The following IFT43 variants were observed in gnomAD, a reference collection of about 807,000 sequenced individuals.
IFT43 encodes intraflagellar transport protein 43 homolog.
A neutral mutation model predicts 32.3 loss-of-function variants in IFT43; 33 were observed. That is an observed-to-expected ratio of 1.02 (90% CI 0.77 to 1.37). The LOEUF is 1.37. Among genes scored for constraint, IFT43 ranks in the 40% most tolerant of loss-of-function variants. The pLI is 0.00. For synonymous variants in IFT43, 93 were observed against 98.2 expected, an observed-to-expected ratio of 0.95 and a Z score of 0.31; for missense variants, 274 against 265.9, an observed-to-expected ratio of 1.03 and a Z score of -0.21.
At chr14:76,055,506 A>C in intron 3 of IFT43, among the ~76,000 whole-genome samples, 1 of 152,098 alleles carries the variant, frequency 6.6e-6, no homozygotes, top group East Asian at 1.9e-4. Flanking sequence ...TGAAAGAAAA[A>C]TTTTAAAAGG....
intron 5 of IFT43, chr14:76,076,485 T>C (rs2037414441): frequency 6.6e-7 from 1 of 1,517,568 alleles, no homozygotes. Context: ...GGTGTCTCCT[T>C]TGTTCTCTCC....
intron 1 of IFT43, chr14:75,986,208 C>G: frequency 7.6e-7 from 1 of 1,307,902 alleles, no homozygotes; most frequent in Non-Finnish European, 1.0e-6. Flanking sequence ...CGCTCCCATC[C>G]TAGAGTTTTT....
chr14:76,009,704 A>T (rs924850577), intron 2 of IFT43, among the ~76,000 whole-genome samples: 1 of 152,190 alleles, frequency 6.6e-6, no homozygotes, highest in Non-Finnish European at 1.5e-5. Flanking sequence ...GGAGGAATCA[A>T]TTCTAGCATG....
At chr14:76,030,471 C>T (rs367668552) in intron 3 of IFT43, among the ~76,000 whole-genome samples, 6 of 152,146 alleles carry the variant, frequency 3.9e-5, no homozygotes, top group Non-Finnish European at 7.3e-5. Context: ...ATAGAATTCA[C>T]GGTCTATATA....
chr14:76,074,070 A>G (rs1043874409), intron 5 of IFT43, among the ~76,000 whole-genome samples: 2 of 152,126 alleles, frequency 1.3e-5, no homozygotes, highest in African/African-American at 4.8e-5. Flanking sequence ...ATAAATATAT[A>G]TAAGGAAAAA....
chr14:76,080,936 T>C (rs1186245709), intron 5 of IFT43, among the ~76,000 whole-genome samples: 1 of 152,220 alleles, frequency 6.6e-6, no homozygotes, highest in African/African-American at 2.4e-5. Flanking sequence ...GTGTCTCTGC[T>C]TTATTTTCCC....
In IFT43 at chr14:75,998,988, G is replaced by T. The variant is rs117496460; in HGVS notation, c.147+10011G>T. On this transcript the variant is annotated intron_variant, in intron 2 of 8. Transcript: ENST00000314067. ...GGCTTCAGGCAGTCCTCCCACCTTGGCCTCCCAAAGCTCTAGGATTATAGG... is the reference window on the plus strand; with the variant it reads ...GGCTTCAGGCAGTCCTCCCACCTTGTCCTCCCAAAGCTCTAGGATTATAGG... Among the ~76,000 whole-genome samples the T allele has an allele frequency of 8.2e-4, 125 of 151,892 alleles. 1 individual carries two copies. In the East Asian group the frequency reaches 0.022, roughly 27 times the overall value.
chr14:76,083,206 T>A, intron 7 of IFT43, 21 bp from the exon 8 acceptor site: 3 of 1,612,800 alleles, frequency 1.9e-6, no homozygotes, highest in Non-Finnish European at 2.5e-6. Flanking sequence ...CAGCCTGACC[T>A]TTTTTTGTTT....
chr14:76,059,821 A>G (rs914597761), intron 5 of IFT43, among the ~76,000 whole-genome samples: 2 of 152,138 alleles, frequency 1.3e-5, no homozygotes, highest in African/African-American at 2.4e-5. Context: ...TATTATCCCC[A>G]TTTTACAGTT....
At chr14:75,989,107 A>G in intron 2 of IFT43, 130 bp downstream of exon 2, 1 of 1,187,490 alleles carries the variant, frequency 8.4e-7, no homozygotes, top group Non-Finnish European at 1.2e-6. Context: ...TTGATTTGGG[A>G]ATTCCCTTCC....
Position 76,010,782 on chromosome 14 carries a change from T to C in IFT43, c.148-11545T>C, listed in dbSNP as rs985772900. 2.6e-5 allele frequency among the ~76,000 whole-genome samples: 4 copies of C among 152,180 alleles called. No homozygotes were observed. The East Asian group carries it at 5.8e-4, about 22-fold the overall frequency. On this transcript the variant is annotated intron_variant, in intron 2 of 8. Coordinates refer to ENST00000314067, the MANE Select transcript of IFT43 (RefSeq NM_001102564.3). ...ACTCCAAATTTATTTTCCACTGTTG[T>C]CTTCAAAGTATTTTTATAGCGCTTT...
intron 2 of IFT43, among the ~76,000 whole-genome samples, chr14:76,000,465 G>A (rs1180853383): frequency 6.6e-6 from 1 of 151,532 alleles, no homozygotes; most frequent in Non-Finnish European, 1.5e-5. Flanking sequence ...GTAGAGACGG[G>A]GTTTCACCGT....
In IFT43 at chr14:76,056,475, G is replaced by A. The variant is rs79614081; in HGVS notation, c.216-2167G>A. ...AAATGGCAATTAATCAGCCTCCCCC[G>A]AAAGATTAGCATTATCATTATTGTT... is the stretch of plus-strand genomic sequence containing the variant. On this transcript the variant is annotated intron_variant, in intron 3 of 8. Coordinates refer to ENST00000314067, the MANE Select transcript of IFT43 (RefSeq NM_001102564.3). Among the ~76,000 whole-genome samples, 209 of 152,306 alleles carry A rather than the reference G, an allele frequency of 1.4e-3. 1 individual carries two copies. The highest frequency in any genetic ancestry group is 4.5e-3 in the African/African-American group (189 of 41,560).
chr14:76,036,724 GTC>G (rs2036606980), intron 3 of IFT43, among the ~76,000 whole-genome samples: 1 of 151,968 alleles, frequency 6.6e-6, no homozygotes, highest in East Asian at 2.0e-4. Flanking sequence ...TATTTCTATA[GTC>G]TCTATTTTAT....
intron 2 of IFT43, among the ~76,000 whole-genome samples, chr14:76,004,144 C>T (rs2035940005): frequency 6.6e-6 from 1 of 152,180 alleles, no homozygotes; most frequent in Non-Finnish European, 1.5e-5. Flanking sequence ...TTCTTCATTT[C>T]TTCCAATAGA....
chr14:76,051,996 C>T (rs11851042), intron 3 of IFT43, among the ~76,000 whole-genome samples: 1,663 of 152,288 alleles, frequency 0.011, 32 homozygotes, highest in African/African-American at 0.037. Context: ...GGGATGGACT[C>T]GCATAGGGCC....
In IFT43 at chr14:76,042,469, A is replaced by G. The variant is rs371811385; in HGVS notation, c.216-16173A>G. Among the ~76,000 whole-genome samples, 176 of 152,260 alleles carry G rather than the reference A, an allele frequency of 1.2e-3. 4 individuals carry two copies. The South Asian group carries it at 0.034, about 30-fold the overall frequency. On this transcript the variant is annotated intron_variant, in intron 3 of 8. Transcript: ENST00000314067. The stretch of plus-strand genomic sequence containing the variant: ...GATATTCCCTGAGGGCTCTTTTGAC[A>G]AGAAACCAACATGTTCAGCTTGTGA...
chr14:76,014,226 G>C (rs981107146), intron 2 of IFT43: 3 of 186,772 alleles, frequency 1.6e-5, no homozygotes, highest in African/African-American at 7.0e-5. Flanking sequence ...ATTGACATGT[G>C]CTACCACCTG....
intron 3 of IFT43, among the ~76,000 whole-genome samples, chr14:76,030,546 C>T (rs1344838204): frequency 1.3e-5 from 2 of 152,062 alleles, no homozygotes; most frequent in African/African-American, 2.4e-5. Flanking sequence ...AACTAGGAAA[C>T]ACATTTTAAA....
Sources: allele counts gnomAD v4.1 joint callset (sites outside exome capture counted in the v4.1 genomes callset), GRCh38; gene constraint gnomAD v4.1.1; transcripts MANE v1.5; gene names NCBI Gene and HGNC (gene_info 2026-07-23, HGNC 2026-07-21).